The following GPHN variants were observed in gnomAD, a reference collection of about 807,000 sequenced individuals.
GPHN encodes the protein gephyrin.
In GPHN, 17 loss-of-function variants were observed where a neutral mutation model predicts 95.5. The observed-to-expected ratio is 0.18, with a 90% CI of 0.12 to 0.27. The LOEUF (loss-of-function observed/expected upper bound fraction) is 0.27, where lower values mean the gene tolerates loss of function less well. Ranked by LOEUF, GPHN falls within the 10% of genes least tolerant of loss-of-function variation. GPHN has a pLI of 1.00. For missense variants in GPHN, 660 were observed against 978.1 expected (o/e 0.67, Z 4.34); for synonymous variants, 320 against 322.5 (o/e 0.99, Z 0.08).
At chr14:67,148,846 G>A (rs1265044264) in intron 18 of GPHN, among the ~76,000 whole-genome samples, 6 of 151,550 alleles carry the variant, frequency 4.0e-5, no homozygotes, top group Non-Finnish European at 5.9e-5. Flanking sequence ...GATTACAGGC[G>A]TGAGCCACCG....
intron 2 of GPHN, among the ~76,000 whole-genome samples, chr14:66,732,667 C>G (rs1225855757): frequency 6.8e-6 from 1 of 147,758 alleles, no homozygotes; most frequent in Non-Finnish European, 1.5e-5. Context: ...CAGGCACGCA[C>G]TACCACACCT....
chr14:67,021,937 C>A (rs1459208968), intron 9 of GPHN, among the ~76,000 whole-genome samples: 1 of 152,030 alleles, frequency 6.6e-6, no homozygotes, highest in African/African-American at 2.4e-5. Flanking sequence ...CATTTGACTT[C>A]TTTGAACTCT....
the GPHN span, chr14:67,411,935 G>C: frequency 1.4e-5 from 18 of 1,282,998 alleles, no homozygotes; most frequent in East Asian, 5.1e-4. Flanking sequence ...GCCCGTTCCG[G>C]GGCGCGCGTC....
chr14:67,080,706 C>T (rs2076660772), intron 11 of GPHN, among the ~76,000 whole-genome samples: 1 of 152,064 alleles, frequency 6.6e-6, no homozygotes. Context: ...GTGCACCCAT[C>T]ACCCAAGCTG....
intron 4 of GPHN, among the ~76,000 whole-genome samples, chr14:66,832,609 G>A (rs1403883813): frequency 6.6e-6 from 1 of 151,830 alleles, no homozygotes; most frequent in African/African-American, 2.4e-5. Flanking sequence ...TGTATCATAG[G>A]CACACTTAAG....
chr14:67,224,456 T>A, the GPHN span, among the ~76,000 whole-genome samples: 3 of 151,986 alleles, frequency 2.0e-5, no homozygotes, highest in African/African-American at 7.2e-5. Flanking sequence ...GAGATGGGGT[T>A]TCATTGTGTT....
At chr14:67,061,765 G>A (rs1278848216) in intron 11 of GPHN, among the ~76,000 whole-genome samples, 2 of 151,986 alleles carry the variant, frequency 1.3e-5, no homozygotes, top group Admixed American at 1.3e-4. Flanking sequence ...TCTCGCCTTA[G>A]CCTCCCAAAG....
At chr14:67,107,241 G>C (rs2078094237) in intron 13 of GPHN, among the ~76,000 whole-genome samples, 1 of 152,068 alleles carries the variant, frequency 6.6e-6, no homozygotes, top group Non-Finnish European at 1.5e-5. Flanking sequence ...ATCCCTCTTG[G>C]TGTTAGGTCT....
the GPHN span, among the ~76,000 whole-genome samples, chr14:67,671,230 T>A: frequency 2.0e-5 from 3 of 152,134 alleles, no homozygotes; most frequent in Admixed American, 1.3e-4. Flanking sequence ...TACCAGCAAC[T>A]TAGAGTATTT....
At chr14:67,170,821 C>T (rs559325329) in intron 21 of GPHN, among the ~76,000 whole-genome samples, 1 of 152,334 alleles carries the variant, frequency 6.6e-6, no homozygotes, top group African/African-American at 2.4e-5. Context: ...ACAACTGCCA[C>T]TTTAAAGCAT....
At chr14:66,760,864 T>C (rs1454073190) in intron 2 of GPHN, 3 of 699,076 alleles carry the variant, frequency 4.3e-6, no homozygotes, top group Non-Finnish European at 7.5e-6. Flanking sequence ...AATGAACAGA[T>C]TGAAGAAAAA....
intron 10 of GPHN, among the ~76,000 whole-genome samples, chr14:67,025,190 T>A (rs1249445689): frequency 6.6e-6 from 1 of 152,226 alleles, no homozygotes; most frequent in African/African-American, 2.4e-5. Context: ...ATAATCTAAC[T>A]AAATTTGAAA....
rs373330217 is a variant in GPHN, at chr14:66,810,362, T to G, written c.202-14112T>G. Among the ~76,000 whole-genome samples, 6 of 78,994 alleles carry G rather than the reference T, an allele frequency of 7.6e-5. No individual in the cohort carries two copies. In the African/African-American group the frequency reaches 1.2e-3, roughly 15 times the overall value. 51.8% of individuals were successfully genotyped at this position (78,994 alleles called of 152,430 possible). ...CTAAATAATAAAACTGTTTCCAGAT[T>G]TTTTTTGTTAAAGATTTTTAAAGTA... On this transcript the variant is annotated intron_variant, in intron 3 of 22. Coordinates refer to ENST00000478722, the MANE Select transcript of GPHN (RefSeq NM_020806.5).
At chr14:67,200,108 G>T in the GPHN span, 1 of 1,039,080 alleles carries the variant, frequency 9.6e-7, no homozygotes, top group South Asian at 1.5e-5. Context: ...CCTCCAATGG[G>T]CATGCCCCCC....
rs187462484 is a variant in GPHN at position 67,044,015 on chromosome 14, G to A, written c.1007-14634G>A. Among the ~76,000 whole-genome samples the A allele has an allele frequency of 1.4e-4, 22 of 152,182 alleles. No homozygotes were observed. The East Asian group carries it at 3.9e-3, about 27-fold the overall frequency. On this transcript the variant is annotated intron_variant, in intron 10 of 22. Transcript: ENST00000478722. Reference sequence around the variant, plus strand: ...AGATTTTCTAGTTTATTTGTGTGGAGGTGTTTATACTATTATCTGATGGTA... The same window carrying A: ...AGATTTTCTAGTTTATTTGTGTGGAAGTGTTTATACTATTATCTGATGGTA...
chr14:67,311,151 A>G, the GPHN span, among the ~76,000 whole-genome samples: 64 of 152,192 alleles, frequency 4.2e-4, no homozygotes, highest in African/African-American at 1.4e-3. Flanking sequence ...TTTCTACTAA[A>G]CATACAAAAA....
At chr14:66,762,661 G>T (rs1265077314) in intron 2 of GPHN, among the ~76,000 whole-genome samples, 1 of 151,976 alleles carries the variant, frequency 6.6e-6, no homozygotes, top group Non-Finnish European at 1.5e-5. Context: ...CTGAACCTCA[G>T]GTATAGTGCT....
At chr14:66,998,858 C>T (rs896762002) in intron 9 of GPHN, among the ~76,000 whole-genome samples, 15 of 125,170 alleles carry the variant, frequency 1.2e-4, no homozygotes, top group Non-Finnish European at 1.9e-4. Flanking sequence ...CATTTCTCCA[C>T]GTAGTTATGG....
intron 17 of GPHN, among the ~76,000 whole-genome samples, chr14:67,137,239 A>G (rs912873597): frequency 5.3e-5 from 8 of 151,270 alleles, no homozygotes; most frequent in South Asian, 2.1e-4. Flanking sequence ...TCCACCTCCC[A>G]GGTTCATGCC....
Sources: gnomAD v4.1 joint callset for allele counts (sites outside exome capture counted in the v4.1 genomes callset) on GRCh38, gnomAD v4.1.1 for gene constraint, MANE v1.5 for transcripts, NCBI Gene and HGNC (gene_info 2026-07-23, HGNC 2026-07-21) for gene names.